EYA2: variants seen among roughly 807,000 people sequenced by gnomAD.
EYA2 encodes the protein EYA transcriptional coactivator and phosphatase 2, also known as protein phosphatase EYA2.
EYA2 carries 31 observed loss-of-function variants against 69.2 expected under a neutral mutation model. The observed-to-expected ratio is 0.45, with a 90% confidence interval of 0.34 to 0.60. The LOEUF is 0.60. EYA2 is among the 20% of genes least tolerant of loss of function. EYA2 has a pLI of 0.02. For synonymous variants in EYA2, 257 were observed against 279.4 expected (o/e 0.92, Z 0.80); for missense variants, 622 against 701.2 (o/e 0.89, Z 1.28).
At chr20:46,941,789 C>G (rs139125316) in intron 1 of EYA2, among the ~76,000 whole-genome samples, 2 of 152,054 alleles carry the variant, frequency 1.3e-5, no homozygotes, top group South Asian at 2.1e-4. Flanking sequence ...GACAAAGTCT[C>G]ACTCTGTGAT....
At chr20:46,944,596 G>A (rs888870267) in intron 1 of EYA2, among the ~76,000 whole-genome samples, 2 of 152,092 alleles carry the variant, frequency 1.3e-5, no homozygotes, top group Admixed American at 1.3e-4. Context: ...CCGCTCCATA[G>A]TGTTGTTGAG....
At chr20:47,043,028 G>A (rs989107669) in intron 5 of EYA2, among the ~76,000 whole-genome samples, 9 of 152,164 alleles carry the variant, frequency 5.9e-5, no homozygotes, top group East Asian at 1.9e-4. Flanking sequence ...CCCATTAGGC[G>A]ACTGTAAATA....
chr20:46,931,934 C>T (rs1985687469), intron 1 of EYA2, among the ~76,000 whole-genome samples: 1 of 150,550 alleles, frequency 6.6e-6, no homozygotes, highest in South Asian at 2.1e-4. Context: ...CGTGTGGCCA[C>T]AAATAGCTTG....
At chr20:47,110,527 A>G (rs1176031973) in intron 9 of EYA2, among the ~76,000 whole-genome samples, 5 of 152,238 alleles carry the variant, frequency 3.3e-5, no homozygotes, top group Middle Eastern at 3.4e-3. Context: ...CGGCCGCTCC[A>G]CTGCTCTTAA....
intron 9 of EYA2, among the ~76,000 whole-genome samples, chr20:47,114,538 C>T (rs528499071): frequency 7.9e-5 from 12 of 152,150 alleles, no homozygotes; most frequent in Non-Finnish European, 5.9e-5. Context: ...TCACTTGAAC[C>T]CAGGAGATGG....
intron 9 of EYA2, among the ~76,000 whole-genome samples, chr20:47,111,878 A>G (rs1600716986): frequency 2.0e-5 from 3 of 152,160 alleles, no homozygotes; most frequent in Admixed American, 1.3e-4. Context: ...AATAAAAACC[A>G]TTCACTTTTG....
intron 10 of EYA2, among the ~76,000 whole-genome samples, chr20:47,148,942 G>T (rs2033763546): frequency 6.6e-6 from 1 of 152,162 alleles, no homozygotes; most frequent in Non-Finnish European, 1.5e-5. Context: ...CTTAGGTTTT[G>T]ACTTCTGGGC....
At chr20:47,008,228 G>A (rs912130712) in intron 4 of EYA2, among the ~76,000 whole-genome samples, 8 of 152,150 alleles carry the variant, frequency 5.3e-5, no homozygotes, top group Non-Finnish European at 8.8e-5. Context: ...TCAACCCTAC[G>A]AGGAAGGTCA....
At chr20:47,019,962 C>A (rs1983646277) in intron 5 of EYA2, among the ~76,000 whole-genome samples, 1 of 111,104 alleles carries the variant, frequency 9.0e-6, no homozygotes, top group Non-Finnish European at 1.9e-5. Context: ...TAGAGCAAGA[C>A]CCTATCTTTA....
At chr20:46,993,725 C>T (rs1314093508) in intron 2 of EYA2, among the ~76,000 whole-genome samples, 2 of 152,130 alleles carry the variant, frequency 1.3e-5, no homozygotes, top group Non-Finnish European at 2.9e-5. Flanking sequence ...GTGATGCTTG[C>T]TGTGAAGGAA....
At chr20:46,953,697 A>T (rs1451112195) in intron 1 of EYA2, among the ~76,000 whole-genome samples, 4 of 152,150 alleles carry the variant, frequency 2.6e-5, no homozygotes, top group African/African-American at 9.7e-5. Context: ...GTCTCTGGAC[A>T]TTGCCAACTG....
chr20:47,042,703 C>T (rs1278318864), intron 5 of EYA2, among the ~76,000 whole-genome samples: 7 of 152,164 alleles, frequency 4.6e-5, no homozygotes, highest in East Asian at 3.9e-4. Context: ...TTCCCTCTGT[C>T]GGTCTACCCT....
rs185626050 is a variant in EYA2, at chr20:46,968,678, G to A, written c.-10-21323G>A. On this transcript the variant is annotated intron_variant, in intron 1 of 15. Coordinates refer to ENST00000327619, the MANE Select transcript of EYA2 (RefSeq NM_005244.5). Reference sequence around the variant, plus strand: ...GTTACGGGATTTTAGTAGCATTCCTGACTTCTACCCACCGGATGCCAATAG... The same window carrying A: ...GTTACGGGATTTTAGTAGCATTCCTAACTTCTACCCACCGGATGCCAATAG... Among the ~76,000 whole-genome samples the A allele has an allele frequency of 2.6e-5, 4 of 152,122 alleles. No individual in the cohort carries two copies. The East Asian group carries it at 7.7e-4, about 29-fold the overall frequency.
chr20:46,905,062 G>A (rs2146215424), intron 1 of EYA2, among the ~76,000 whole-genome samples: 1 of 152,238 alleles, frequency 6.6e-6, no homozygotes, highest in South Asian at 2.1e-4. Flanking sequence ...ATACAGGTAT[G>A]CCTCTGAGAG....
chr20:47,053,468 C>T (rs1218111676), intron 5 of EYA2, among the ~76,000 whole-genome samples: 1 of 151,956 alleles, frequency 6.6e-6, no homozygotes, highest in Non-Finnish European at 1.5e-5. Flanking sequence ...GAGTTCTCGA[C>T]CAGCCTGGGC....
intron 5 of EYA2, among the ~76,000 whole-genome samples, chr20:47,041,841 T>G (rs370939287): frequency 2.7e-4 from 41 of 152,304 alleles, no homozygotes; most frequent in African/African-American, 9.1e-4. Flanking sequence ...TTATTTGATT[T>G]TTTTTTTAAT....
chr20:47,057,510 A>ACCCCCCCCCCCCCCCCCC (rs796462817), intron 5 of EYA2, among the ~76,000 whole-genome samples: 1 of 94,768 alleles, frequency 1.1e-5, no homozygotes, highest in Non-Finnish European at 2.4e-5. Flanking sequence ...TTTTTATATC[A>ACCCCCCCCCCCCCCCCCC]CCCCCCCCCC....
At chr20:46,909,295 A>G (rs1984531903) in intron 1 of EYA2, among the ~76,000 whole-genome samples, 1 of 152,126 alleles carries the variant, frequency 6.6e-6, no homozygotes, top group Non-Finnish European at 1.5e-5. Flanking sequence ...AAAGGGGGAA[A>G]GTGGGTTCTG....
intron 3 of EYA2, among the ~76,000 whole-genome samples, chr20:47,004,092 G>T (rs1982543738): frequency 6.6e-6 from 1 of 152,242 alleles, no homozygotes; most frequent in South Asian, 2.1e-4. Context: ...AGAACCTGTT[G>T]TTCTCCATGG....
Sources: allele counts gnomAD v4.1 joint callset (sites outside exome capture counted in the v4.1 genomes callset), GRCh38; gene constraint gnomAD v4.1.1; transcripts MANE v1.5; gene names NCBI Gene and HGNC (gene_info 2026-07-23, HGNC 2026-07-21).